AFF3: variants seen among roughly 807,000 people sequenced by gnomAD.
AFF3 encodes AF4/FMR2 family member 3.
A neutral mutation model predicts 129.7 loss-of-function variants in AFF3; 32 were observed. The observed-to-expected ratio is 0.25, with a 90% confidence interval of 0.19 to 0.33. AFF3 has a LOEUF of 0.33. Among genes scored for constraint, AFF3 ranks in the 10% least tolerant of loss-of-function variants. The pLI is 1.00. For synonymous variants in AFF3, 644 were observed against 635.4 expected (o/e 1.01, Z -0.20); for missense variants, 1,373 against 1,592.0 (o/e 0.86, Z 2.34).
At chr2:99,704,479 G>C (rs1359469573) in intron 11 of AFF3, among the ~76,000 whole-genome samples, 3 of 152,104 alleles carry the variant, frequency 2.0e-5, no homozygotes, top group African/African-American at 7.2e-5. Context: ...CCAACACCAG[G>C]TGGCAAGGTG....
At position 99,818,749 on chromosome 2, in the gene AFF3, A is replaced by T. The variant is rs543138063; in HGVS notation, c.921+18728T>A. On this transcript the variant is annotated intron_variant, in intron 8 of 24. Transcript: ENST00000672756. ...TTAGCAGGTATACATGATCTACATGATTTTAAATTCTTTGTGAATTCTCAA... is the reference window on the plus strand; with the variant it reads ...TTAGCAGGTATACATGATCTACATGTTTTTAAATTCTTTGTGAATTCTCAA... 5.9e-5 allele frequency among the ~76,000 whole-genome samples: 9 copies of T among 152,334 alleles called. No individual in the cohort carries two copies. The East Asian group carries it at 1.7e-3, about 29-fold the overall frequency.
At position 99,791,268 on chromosome 2, in the gene AFF3, C is replaced by A. The variant is rs567382437; in HGVS notation, c.922-38967G>T. Among the ~76,000 whole-genome samples, 4 of 152,224 alleles carry A rather than the reference C, an allele frequency of 2.6e-5. No homozygotes were observed. In the South Asian group the frequency reaches 8.3e-4, roughly 32 times the overall value. ...TACCCTTGGCGGATTGGTTCTAGGA[C>A]CCCTGTGGATACCAAAATCTACGGA... On this transcript the variant is annotated intron_variant, in intron 8 of 24. Transcript: ENST00000672756.
intron 7 of AFF3, among the ~76,000 whole-genome samples, chr2:99,880,439 C>A (rs972205045): frequency 6.6e-6 from 1 of 152,150 alleles, no homozygotes; most frequent in African/African-American, 2.4e-5. Flanking sequence ...TTTTATAAAA[C>A]CTCTAGGATG....
At chr2:100,084,812 T>A (rs71413863) in intron 4 of AFF3, among the ~76,000 whole-genome samples, 19,341 of 151,494 alleles carry the variant, frequency 0.13, 1,597 homozygotes, top group South Asian at 0.2. Context: ...AAATTTATTA[T>A]GAAGGATTTA....
chr2:100,075,004 C>CA (rs1688477812), intron 4 of AFF3, among the ~76,000 whole-genome samples: 1 of 152,164 alleles, frequency 6.6e-6, no homozygotes. Context: ...TTCTAGCAAA[C>CA]AGAGCATGTA....
intron 8 of AFF3, among the ~76,000 whole-genome samples, chr2:99,821,154 T>C (rs1292531407): frequency 2.0e-5 from 3 of 152,148 alleles, no homozygotes; most frequent in Non-Finnish European, 4.4e-5. Context: ...ATCACAGGCT[T>C]GAGCCACTAC....
At chr2:99,701,100 G>A (rs369659950) in intron 11 of AFF3, among the ~76,000 whole-genome samples, 4 of 152,300 alleles carry the variant, frequency 2.6e-5, no homozygotes, top group East Asian at 1.9e-4. Context: ...CACAGTGGCC[G>A]GAGCAGCAAG....
chr2:100,000,537 C>T (rs962338302), intron 7 of AFF3, among the ~76,000 whole-genome samples: 3 of 151,934 alleles, frequency 2.0e-5, no homozygotes, highest in Non-Finnish European at 2.9e-5. Flanking sequence ...CACACATACA[C>T]AAACATAAAA....
At chr2:99,876,227 AG>A (rs1234319272) in intron 7 of AFF3, among the ~76,000 whole-genome samples, 1 of 152,174 alleles carries the variant, frequency 6.6e-6, no homozygotes, top group Non-Finnish European at 1.5e-5. Flanking sequence ...GTGCATCTCC[AG>A]CCCAGATTTG....
chr2:99,801,761 A>G (rs1009683537), intron 8 of AFF3, among the ~76,000 whole-genome samples: 1 of 152,218 alleles, frequency 6.6e-6, no homozygotes, highest in Non-Finnish European at 1.5e-5. Context: ...CTTTGTCCAG[A>G]AAAGCGGAAA....
chr2:99,838,152 C>T (rs1322444976), intron 7 of AFF3, among the ~76,000 whole-genome samples: 1 of 152,136 alleles, frequency 6.6e-6, no homozygotes, highest in African/African-American at 2.4e-5. Context: ...GGCTTCAGGT[C>T]ACAGCCGACT....
intron 8 of AFF3, among the ~76,000 whole-genome samples, chr2:99,777,961 A>C (rs1277135012): frequency 4.6e-5 from 7 of 151,846 alleles, no homozygotes; most frequent in Non-Finnish European, 7.4e-5. Flanking sequence ...AAAAAAAAAA[A>C]AAAAAAAAAA....
chr2:99,604,579 G>A (rs938875995), intron 13 of AFF3, among the ~76,000 whole-genome samples: 7 of 152,222 alleles, frequency 4.6e-5, no homozygotes, highest in East Asian at 1.9e-4. Context: ...CATGACACAC[G>A]TTTACCTATG....
chr2:100,114,914 G>A (rs1691678113), intron 2 of AFF3, among the ~76,000 whole-genome samples: 1 of 152,234 alleles, frequency 6.6e-6, no homozygotes, highest in South Asian at 2.1e-4. Context: ...GCCATGCACA[G>A]CAGTAAGTAC....
chr2:100,042,578 C>T (rs1685530331), intron 4 of AFF3, among the ~76,000 whole-genome samples: 1 of 151,992 alleles, frequency 6.6e-6, no homozygotes, highest in Admixed American at 6.5e-5. Context: ...GATTGAGAAA[C>T]AAGTGGACAA....
intron 4 of AFF3, among the ~76,000 whole-genome samples, chr2:100,074,086 A>C (rs927082707): frequency 1.2e-4 from 18 of 152,172 alleles, no homozygotes; most frequent in Non-Finnish European, 2.2e-4. Context: ...CCACGGACCC[A>C]ATGCTGAATC....
At chr2:99,711,352 T>G (rs767058922) in intron 11 of AFF3, among the ~76,000 whole-genome samples, 1 of 152,294 alleles carries the variant, frequency 6.6e-6, no homozygotes, top group East Asian at 1.9e-4. Context: ...ATATGAGATG[T>G]AATAATGTAA....
chr2:99,990,293 A>G (rs1218004800), intron 7 of AFF3, among the ~76,000 whole-genome samples: 1 of 152,228 alleles, frequency 6.6e-6, no homozygotes, highest in Non-Finnish European at 1.5e-5. Context: ...CATTAAATGT[A>G]ACAGGATTTA....
intron 7 of AFF3, among the ~76,000 whole-genome samples, chr2:99,901,819 C>T (rs913688074): frequency 6.7e-6 from 1 of 148,504 alleles, no homozygotes; most frequent in African/African-American, 2.5e-5. Flanking sequence ...GATTATGTTG[C>T]TCCCTGCTTG....
Sources: allele counts gnomAD v4.1 joint callset (sites outside exome capture counted in the v4.1 genomes callset), GRCh38; gene constraint gnomAD v4.1.1; transcripts MANE v1.5; gene names NCBI Gene and HGNC (gene_info 2026-07-23, HGNC 2026-07-21).